Variants in PIK3AP1 observed in about 807,000 individuals in gnomAD.
The protein encoded by PIK3AP1 is phosphoinositide 3-kinase adapter protein 1.
In PIK3AP1, 21 loss-of-function variants were observed where a neutral mutation model predicts 88.1. The observed-to-expected ratio is 0.24, with a 90% confidence interval of 0.17 to 0.34. The LOEUF (loss-of-function observed/expected upper bound fraction) is 0.34, where lower values mean the gene tolerates loss of function less well. PIK3AP1 is among the 10% of genes least tolerant of loss of function. The pLI, the probability that PIK3AP1 is intolerant of heterozygous loss-of-function variation, is 1.00. For synonymous variants in PIK3AP1, 398 were observed against 400.0 expected, an observed-to-expected ratio of 1.00 and a Z score of 0.06; for missense variants, 828 against 1,035.7, an observed-to-expected ratio of 0.80 and a Z score of 2.75.
At chr10:96,687,443 C>T (rs1473487925) in intron 2 of PIK3AP1, among the ~76,000 whole-genome samples, 2 of 152,034 alleles carry the variant, frequency 1.3e-5, no homozygotes, top group Non-Finnish European at 2.9e-5. Flanking sequence ...CTCACACTTC[C>T]AAATGTCCAC....
chr10:96,648,946 T>G, intron 6 of PIK3AP1, 91 bp from the exon 7 acceptor site: 3 of 1,110,256 alleles, frequency 2.7e-6, no homozygotes, highest in Non-Finnish European at 3.7e-6. Flanking sequence ...AAGACTAGCA[T>G]GGCAACAGAA....
intron 13 of PIK3AP1, among the ~76,000 whole-genome samples, chr10:96,615,222 G>A (rs1849194191): frequency 6.6e-6 from 1 of 152,194 alleles, no homozygotes; most frequent in Admixed American, 6.5e-5. Flanking sequence ...AATGGAGGAT[G>A]AGCTCAGGGG....
chr10:96,639,481 A>G (rs1843356527), intron 8 of PIK3AP1, among the ~76,000 whole-genome samples: 1 of 152,182 alleles, frequency 6.6e-6, no homozygotes, highest in African/African-American at 2.4e-5. Context: ...GCAGGTTCAG[A>G]GGGGAGCAAG....
intron 11 of PIK3AP1, chr10:96,620,817 A>C (rs1273566311): frequency 1.0e-5 from 4 of 400,166 alleles, no homozygotes; most frequent in Non-Finnish European, 1.4e-5. Context: ...CCAAGTCTTA[A>C]CTATTATTAT....
chr10:96,628,889 C>CACATATAT (rs1554955372), intron 8 of PIK3AP1, among the ~76,000 whole-genome samples: 2 of 60,852 alleles, frequency 3.3e-5, no homozygotes, highest in African/African-American at 6.0e-5. Context: ...TATATATATA[C>CACATATAT]ATATATATAT....
chr10:96,717,706 C>T (rs563643453), intron 1 of PIK3AP1, among the ~76,000 whole-genome samples: 1 of 152,130 alleles, frequency 6.6e-6, no homozygotes, highest in South Asian at 2.1e-4. Context: ...ACTAGTCTTT[C>T]TTCACCCAGC....
intron 13 of PIK3AP1, among the ~76,000 whole-genome samples, chr10:96,613,148 G>C (rs1849157134): frequency 6.6e-6 from 1 of 151,370 alleles, no homozygotes; most frequent in African/African-American, 2.4e-5. Context: ...AGAGGCGCAT[G>C]CCACCACACC....
chr10:96,670,944 T>C (rs1843837777), intron 2 of PIK3AP1, among the ~76,000 whole-genome samples: 2 of 152,186 alleles, frequency 1.3e-5, no homozygotes, highest in Admixed American at 1.3e-4. Flanking sequence ...GTCAACATCC[T>C]GCCCTATCTG....
At chr10:96,609,971 T>A in intron 13 of PIK3AP1, 104 bp from the exon 14 acceptor site, 7 of 1,405,558 alleles carry the variant, frequency 5.0e-6, no homozygotes, top group Non-Finnish European at 7.0e-6. Context: ...GGAGCCTGCA[T>A]GGGAAGGGGA....
At position 96,596,927 on chromosome 10, in the gene PIK3AP1, A is replaced by G. The variant is rs115219461; in HGVS notation, c.2361-1293T>C. On this transcript the variant is annotated intron_variant, in intron 16 of 16. Transcript: ENST00000339364. Reference sequence around the variant, plus strand: ...GAATCAAAGAGTAAATATGTACTAAATGTCTCTTGAATGCAAGGTTTGTAT... The same window carrying G: ...GAATCAAAGAGTAAATATGTACTAAGTGTCTCTTGAATGCAAGGTTTGTAT... Among the ~76,000 whole-genome samples the G allele has an allele frequency of 5.4e-3, 825 of 152,336 alleles. 8 individuals carry two copies. The highest frequency in any genetic ancestry group is 0.019 in the African/African-American group (793 of 41,572).
chr10:96,699,367 A>G (rs1771139226), intron 2 of PIK3AP1, among the ~76,000 whole-genome samples: 1 of 152,254 alleles, frequency 6.6e-6, no homozygotes, highest in Non-Finnish European at 1.5e-5. Flanking sequence ...AGAAAGATGT[A>G]AAATATCTCA....
At position 96,628,875 on chromosome 10, in the gene PIK3AP1, C is replaced by CACACACACATATATACATAT. The variant is rs1564961141; in HGVS notation, c.1376-383_1376-382insATATGTATATATGTGTGTGT. On this transcript the variant is annotated intron_variant, in intron 8 of 16. Coordinates refer to ENST00000339364, the MANE Select transcript of PIK3AP1 (RefSeq NM_152309.3). ...ATATATACACACACACATATATACA[C>CACACACACATATATACATAT]ATATATATATATACATATATATATA... is the stretch of plus-strand genomic sequence containing the variant. 3.9e-4 allele frequency among the ~76,000 whole-genome samples: 35 copies of CACACACACATATATACATAT among 90,876 alleles called. 3 individuals are homozygous for CACACACACATATATACATAT. Among genetic ancestry groups the CACACACACATATATACATAT allele is most frequent in the Non-Finnish European group, 5.5e-4 (25 of 45,364 alleles). The allele number at this position is 90,876 out of a possible 152,430, so 59.6% of individuals were successfully genotyped here. A position where few individuals can be genotyped will look rare whatever the true frequency, so the allele number is the denominator to read the frequency against.
intron 2 of PIK3AP1, among the ~76,000 whole-genome samples, chr10:96,698,355 G>C (rs1844248779): frequency 6.6e-6 from 1 of 151,958 alleles, no homozygotes; most frequent in South Asian, 2.1e-4. Flanking sequence ...GTGAGGGAAA[G>C]AAAGAAAAAA....
chr10:96,622,579 T>C (rs1249021758), intron 11 of PIK3AP1, among the ~76,000 whole-genome samples: 2 of 152,140 alleles, frequency 1.3e-5, no homozygotes, highest in African/African-American at 4.8e-5. Context: ...CACATCCTTC[T>C]CCCAGGTCTG....
At chr10:96,598,215 T>G (rs1050334810) in intron 16 of PIK3AP1, among the ~76,000 whole-genome samples, 16 of 151,886 alleles carry the variant, frequency 1.1e-4, no homozygotes, top group South Asian at 2.1e-4. Context: ...GGCTAATTTT[T>G]TTTGTTTGTT....
intron 1 of PIK3AP1, among the ~76,000 whole-genome samples, chr10:96,711,656 C>CTA (rs1385810961): frequency 2.0e-5 from 3 of 151,864 alleles, no homozygotes; most frequent in Non-Finnish European, 2.9e-5. Context: ...CCCATCCAAT[C>CTA]CACCACTATA....
intron 10 of PIK3AP1, 124 bp from the exon 11 acceptor site, chr10:96,623,661 G>A (rs1194690952): frequency 1.3e-6 from 1 of 785,292 alleles, no homozygotes; most frequent in East Asian, 2.7e-5. Flanking sequence ...TGTAGAAAGA[G>A]GCAATTAATG....
chr10:96,680,023 C>T (rs913625415), intron 2 of PIK3AP1, among the ~76,000 whole-genome samples: 1 of 152,172 alleles, frequency 6.6e-6, no homozygotes, highest in Non-Finnish European at 1.5e-5. Context: ...CCCTTCCTTC[C>T]TCTCAGCAAC....
chr10:96,595,783 G>A, intron 16 of PIK3AP1, 149 bp from the exon 17 acceptor site: 6 of 752,420 alleles, frequency 8.0e-6, no homozygotes, highest in Non-Finnish European at 1.3e-5. Context: ...TGAGTGACAC[G>A]CATGCTAGCT....
Sources: allele counts gnomAD v4.1 joint callset (sites outside exome capture counted in the v4.1 genomes callset), GRCh38; gene constraint gnomAD v4.1.1; transcripts MANE v1.5; gene names NCBI Gene and HGNC (gene_info 2026-07-23, HGNC 2026-07-21).